The following APP variants were observed in gnomAD, a reference collection of about 807,000 sequenced individuals.
The protein encoded by APP is amyloid beta precursor protein.
Under a neutral mutation model 101.4 loss-of-function variants are expected in APP, and 31 were observed. The observed-to-expected ratio is 0.31, with a 90% confidence interval of 0.23 to 0.41. APP has a LOEUF of 0.41. Among genes scored for constraint, APP ranks in the 10% least tolerant of loss-of-function variants. The probability of loss-of-function intolerance (pLI) is 1.00; values close to 1 mark genes in which losing one functional copy is unlikely to be tolerated. For missense variants in APP, 839 were observed against 1,003.7 expected (o/e 0.84, Z 2.22); for synonymous variants, 366 against 364.4 (o/e 1.00, Z -0.05).
chr21:25,918,922 G>A (rs1480817548), intron 13 of APP, among the ~76,000 whole-genome samples: 1 of 142,158 alleles, frequency 7.0e-6, no homozygotes, highest in African/African-American at 2.6e-5. Flanking sequence ...TCCACCTCTG[G>A]GGGCAGGGCA....
chr21:26,114,655 C>T (rs1352267134), intron 1 of APP, among the ~76,000 whole-genome samples: 1 of 152,122 alleles, frequency 6.6e-6, no homozygotes, highest in Non-Finnish European at 1.5e-5. Context: ...TGGCAAAATA[C>T]ACTGGATCAC....
intron 1 of APP, among the ~76,000 whole-genome samples, chr21:26,123,986 CT>C (rs538314872): frequency 3.0e-3 from 431 of 143,010 alleles, no homozygotes; most frequent in Middle Eastern, 0.014. Context: ...GATTCCTAAT[CT>C]TTTTTTTTTT....
chr21:26,141,753 C>T (rs767125106), intron 1 of APP, among the ~76,000 whole-genome samples: 22 of 152,128 alleles, frequency 1.4e-4, no homozygotes, highest in Non-Finnish European at 2.6e-4. Flanking sequence ...ACTTTTCTAT[C>T]GGTTCCAGTT....
At chr21:26,115,999 T>A (rs578152551) in intron 1 of APP, among the ~76,000 whole-genome samples, 46 of 152,348 alleles carry the variant, frequency 3.0e-4, no homozygotes, top group African/African-American at 1.0e-3. Flanking sequence ...AACTGTGATA[T>A]AACTGGCCGT....
At chr21:26,120,450 G>A (rs2062540622) in intron 1 of APP, among the ~76,000 whole-genome samples, 1 of 152,016 alleles carries the variant, frequency 6.6e-6, no homozygotes, top group African/African-American at 2.4e-5. Flanking sequence ...CACCATGCCT[G>A]GCCATAAATA....
chr21:25,967,375 C>T (rs1232629241), intron 11 of APP, among the ~76,000 whole-genome samples: 1 of 152,222 alleles, frequency 6.6e-6, no homozygotes, highest in Non-Finnish European at 1.5e-5. Context: ...CTAATTCTCA[C>T]TTCCCTTTAG....
intron 5 of APP, among the ~76,000 whole-genome samples, chr21:26,044,872 T>C (rs144225145): frequency 3.2e-4 from 48 of 152,316 alleles, no homozygotes; most frequent in African/African-American, 9.9e-4. Flanking sequence ...AAAGGAAATA[T>C]GGTATTCTCA....
At position 26,102,082 on chromosome 21, in the gene APP, G is replaced by GTTTTTT. The variant is rs35680514; in HGVS notation, c.225+9891_225+9896dup. On this transcript the variant is annotated intron_variant, in intron 2 of 17. Coordinates refer to ENST00000346798, the MANE Select transcript of APP (RefSeq NM_000484.4). ...CCTTTGGTTTAAGTAAAACTATGTG[G>GTTTTTT]TTTTTTTTTTTTTTTTTTTTTTGGA... Among the ~76,000 whole-genome samples the GTTTTTT allele has an allele frequency of 4.9e-5, 5 of 101,156 alleles. 1 individual carries two copies. Among genetic ancestry groups the GTTTTTT allele is most frequent in the African/African-American group, 1.6e-4 (4 of 25,534 alleles). 66.4% of individuals were successfully genotyped at this position (101,156 alleles called of 152,430 possible).
intron 1 of APP, among the ~76,000 whole-genome samples, chr21:26,139,056 T>C (rs978250129): frequency 6.6e-6 from 1 of 152,172 alleles, no homozygotes; most frequent in African/African-American, 2.4e-5. Flanking sequence ...AGGTAGAGTC[T>C]GTATTTTAAT....
intron 5 of APP, among the ~76,000 whole-genome samples, chr21:26,022,661 T>C (rs527863892): frequency 6.6e-6 from 1 of 152,310 alleles, no homozygotes; most frequent in Admixed American, 6.5e-5. Context: ...CTGAAAAATG[T>C]AGTCCATTAT....
intron 1 of APP, among the ~76,000 whole-genome samples, chr21:26,152,546 CATA>C (rs2063299387): frequency 2.0e-5 from 3 of 151,890 alleles, no homozygotes; most frequent in African/African-American, 2.4e-5. Flanking sequence ...TTAGAAATGA[CATA>C]ATAATACAGA....
chr21:25,910,221 G>A (rs2039000266), intron 14 of APP, among the ~76,000 whole-genome samples: 1 of 151,976 alleles, frequency 6.6e-6, no homozygotes, highest in Non-Finnish European at 1.5e-5. Context: ...TCCGCCTCCC[G>A]GGTTCATGCC....
intron 14 of APP, among the ~76,000 whole-genome samples, chr21:25,909,509 A>G (rs112256571): frequency 6.6e-6 from 1 of 151,796 alleles, no homozygotes; most frequent in African/African-American, 2.4e-5. Context: ...GTGTTTGTCA[A>G]GTATCCAGAA....
In APP at chr21:25,994,550, C is replaced by T. The variant is rs191446842; in HGVS notation, c.1090+2810G>A. Among the ~76,000 whole-genome samples the T allele has an allele frequency of 2.2e-4, 34 of 152,308 alleles. 1 individual carries two copies. The highest frequency in any genetic ancestry group is 1.1e-3 in the Admixed American group (17 of 15,302). The stretch of plus-strand genomic sequence containing the variant: ...TAATGCAAACCATCATACATTTTCT[C>T]CCTAAGTGTAATCTTTTATCAGTTC... On this transcript the variant is annotated intron_variant, in intron 8 of 17. Transcript: ENST00000346798.
intron 6 of APP, 35 bp downstream of exon 6, chr21:26,021,804 TG>T: frequency 6.2e-7 from 1 of 1,607,980 alleles, no homozygotes; most frequent in Non-Finnish European, 8.5e-7. Context: ...TTCTTTTCCT[TG>T]GGGGTGGGGG....
At chr21:25,974,945 C>A in intron 11 of APP, 125 bp downstream of exon 11, 1 of 1,414,608 alleles carries the variant, frequency 7.1e-7, no homozygotes, top group Non-Finnish European at 9.7e-7. Flanking sequence ...AGGGGTTGAA[C>A]CTCTGAATAA....
chr21:26,133,363 T>TA (rs1491509000), intron 1 of APP, among the ~76,000 whole-genome samples: 1 of 152,252 alleles, frequency 6.6e-6, no homozygotes, highest in East Asian at 1.9e-4. Context: ...AGGACTAGTC[T>TA]AATGTTTGTA....
At chr21:25,921,148 A>G (rs2039616186) in intron 13 of APP, among the ~76,000 whole-genome samples, 15 of 133,024 alleles carry the variant, frequency 1.1e-4, no homozygotes, top group South Asian at 5.3e-4. Context: ...TAACGAAATG[A>G]AGGCAGAAAT....
chr21:25,939,289 G>T (rs567362656), intron 13 of APP, among the ~76,000 whole-genome samples: 1 of 152,202 alleles, frequency 6.6e-6, no homozygotes, highest in African/African-American at 2.4e-5. Flanking sequence ...AAGAGATCTA[G>T]AAAGCAAAAC....
Sources: allele counts gnomAD v4.1 joint callset (sites outside exome capture counted in the v4.1 genomes callset), GRCh38; gene constraint gnomAD v4.1.1; transcripts MANE v1.5; gene names NCBI Gene and HGNC (gene_info 2026-07-23, HGNC 2026-07-21).